The following SH3PXD2B variants were observed in gnomAD, a reference collection of about 807,000 sequenced individuals.
SH3PXD2B encodes the protein SH3 and PX domains 2B, also known as SH3 and PX domain-containing protein 2B.
A neutral mutation model predicts 73.1 loss-of-function variants in SH3PXD2B; 37 were observed. That is an observed-to-expected ratio of 0.51 (90% CI 0.39 to 0.67). The LOEUF is 0.67. Ranked by LOEUF, SH3PXD2B falls within the 30% of genes least tolerant of loss-of-function variation. The pLI, the probability that SH3PXD2B is intolerant of heterozygous loss-of-function variation, is 0.00. For missense variants in SH3PXD2B, 1,053 were observed against 1,197.8 expected (o/e 0.88, Z 1.78); for synonymous variants, 457 against 480.5 (o/e 0.95, Z 0.64).
chr5:172,366,737 A>T (rs1223060560), intron 6 of SH3PXD2B, among the ~76,000 whole-genome samples: 2 of 151,638 alleles, frequency 1.3e-5, no homozygotes, highest in Admixed American at 1.3e-4. Flanking sequence ...GGTGCAAGTG[A>T]TTCTCCTGCC....
At chr5:172,386,699 A>G (rs1758067818) in intron 4 of SH3PXD2B, among the ~76,000 whole-genome samples, 1 of 152,074 alleles carries the variant, frequency 6.6e-6, no homozygotes, top group Admixed American at 6.5e-5. Context: ...GTGGGATCTC[A>G]GCTCACTGCA....
chr5:172,335,386 G>A lies in SH3PXD2B; in HGVS notation c.*2983C>T. The A allele has an allele frequency of 4.9e-6, 6 of 1,222,958 alleles. No homozygotes were observed. Among genetic ancestry groups the A allele is most frequent in the Non-Finnish European group, 6.1e-6 (6 of 982,982 alleles). The allele number at this position is 1,222,958 out of a possible 1,614,324, so 75.8% of individuals were successfully genotyped here. A position where few individuals can be genotyped will look rare whatever the true frequency, so the allele number is the denominator to read the frequency against. The stretch of plus-strand genomic sequence containing the variant: ...CTGGAAGCCCTCCGCACACTTCCCT[G>A]CTAATGGCAGAGAAAAGTCATGGAC... On this transcript the variant is annotated 3_prime_UTR_variant, in exon 13 of 13. Transcript: ENST00000311601.
At chr5:172,383,067 C>G (rs1257035893) in intron 4 of SH3PXD2B, among the ~76,000 whole-genome samples, 1 of 152,156 alleles carries the variant, frequency 6.6e-6, no homozygotes, top group Non-Finnish European at 1.5e-5. Context: ...ATAACATCAT[C>G]TATACTGGAT....
At chr5:172,370,239 T>C (rs951795257) in intron 6 of SH3PXD2B, among the ~76,000 whole-genome samples, 2 of 152,176 alleles carry the variant, frequency 1.3e-5, no homozygotes, top group African/African-American at 4.8e-5. Flanking sequence ...AGGCTTCAGT[T>C]AAGTGAAGAT....
At chr5:172,369,916 G>C (rs920757791) in intron 6 of SH3PXD2B, among the ~76,000 whole-genome samples, 2 of 151,962 alleles carry the variant, frequency 1.3e-5, no homozygotes, top group African/African-American at 4.8e-5. Flanking sequence ...TGTGAGAATG[G>C]TTTCCACCTG....
At chr5:172,359,431 T>C (rs931535724) in intron 7 of SH3PXD2B, among the ~76,000 whole-genome samples, 1 of 144,168 alleles carries the variant, frequency 6.9e-6, no homozygotes, top group Non-Finnish European at 1.5e-5. Flanking sequence ...TCACCTTCAC[T>C]AAGATGTGTG....
intron 2 of SH3PXD2B, among the ~76,000 whole-genome samples, chr5:172,419,554 C>T (rs1658175597): frequency 6.6e-6 from 1 of 152,116 alleles, no homozygotes; most frequent in South Asian, 2.1e-4. Context: ...GGGATGTGGG[C>T]CAGTGGGCAA....
At chr5:172,449,335 G>A (rs760203357) in intron 1 of SH3PXD2B, among the ~76,000 whole-genome samples, 1 of 152,278 alleles carries the variant, frequency 6.6e-6, no homozygotes, top group East Asian at 1.9e-4. Context: ...AGTCAGCTCC[G>A]TGGTGGAATC....
In SH3PXD2B at chr5:172,368,892, AT is replaced by A. The variant is rs1268059508; in HGVS notation, c.427+4897del. ...TTTTAAATATATAATATAAAAAAAA[AT>A]ATATATATATATATTTTTGAGACGG... is the stretch of plus-strand genomic sequence containing the variant. On this transcript the variant is annotated intron_variant, in intron 6 of 12. Transcript: ENST00000311601. 8.7e-3 allele frequency among the ~76,000 whole-genome samples: 1,112 copies of A among 127,404 alleles called. 7 individuals carry two copies. The highest frequency in any genetic ancestry group is 0.022 in the African/African-American group (641 of 29,604). The allele number at this position is 127,404 out of a possible 152,430, so 83.6% of individuals were successfully genotyped here. A position where few individuals can be genotyped will look rare whatever the true frequency, so the allele number is the denominator to read the frequency against.
At chr5:172,379,444 T>C (rs982797539) in intron 5 of SH3PXD2B, among the ~76,000 whole-genome samples, 1 of 152,108 alleles carries the variant, frequency 6.6e-6, no homozygotes, top group Admixed American at 6.5e-5. Flanking sequence ...GGCACCTTGA[T>C]CTTGGATTTC....
Position 172,421,447 on chromosome 5 carries a change from G to T in SH3PXD2B, c.156+969C>A, listed in dbSNP as rs1758960852. 6.6e-6 allele frequency among the ~76,000 whole-genome samples: 1 copy of T among 152,162 alleles called. No individual in the cohort carries two copies. The highest frequency in any genetic ancestry group is 1.5e-5 in the Non-Finnish European group (1 of 68,038). ...TGACTGGACATATACTGTGTGTTAG[G>T]CCTTGAATAAACTATTAAGGACAGA... On this transcript the variant is annotated intron_variant, in intron 2 of 12. Coordinates refer to ENST00000311601, the MANE Select transcript of SH3PXD2B (RefSeq NM_001017995.3). This position sits in a 1 kb window ranked among gnomAD's most constrained non-coding sequence, Gnocchi z 4.0.
intron 1 of SH3PXD2B, among the ~76,000 whole-genome samples, chr5:172,429,877 G>T (rs1319835970): frequency 1.3e-5 from 2 of 152,158 alleles, no homozygotes; most frequent in African/African-American, 4.8e-5. Flanking sequence ...TGGAGCATGG[G>T]CCAGCAGGGA....
At chr5:172,370,059 T>C (rs993636521) in intron 6 of SH3PXD2B, among the ~76,000 whole-genome samples, 32 of 152,182 alleles carry the variant, frequency 2.1e-4, no homozygotes, top group Non-Finnish European at 1.2e-4. Flanking sequence ...CCTGTCTTGT[T>C]CATTCAGCAT....
downstream of SH3PXD2B, among the ~76,000 whole-genome samples, chr5:172,329,540 C>CTTTTTTTGTTTTTTTTTTTTTTTTTTT: frequency 9.4e-6 from 1 of 106,446 alleles, no homozygotes; most frequent in Non-Finnish European, 1.9e-5. Context: ...CTTTGTTATT[C>CTTTTTTTGTTTTTTTTTTTTTTTTTTT]TTTTTTTTTT....
chr5:172,410,692 C>T (rs1425877240), intron 2 of SH3PXD2B, among the ~76,000 whole-genome samples: 3 of 152,148 alleles, frequency 2.0e-5, no homozygotes, highest in Non-Finnish European at 4.4e-5. Context: ...GAGATGTTTG[C>T]TAAGTAACTC....
intron 3 of SH3PXD2B, among the ~76,000 whole-genome samples, chr5:172,402,698 A>G (rs922378991): frequency 6.6e-6 from 1 of 152,178 alleles, no homozygotes; most frequent in Non-Finnish European, 1.5e-5. Context: ...TGGGGAAGGC[A>G]TTTACCTCCC....
intron 3 of SH3PXD2B, among the ~76,000 whole-genome samples, chr5:172,402,713 C>T (rs889639760): frequency 2.0e-5 from 3 of 152,206 alleles, no homozygotes; most frequent in African/African-American, 7.2e-5. Flanking sequence ...CCTCCCGGAG[C>T]CTCAGTCTCC....
intron 4 of SH3PXD2B, 33 bp downstream of exon 4, chr5:172,394,530 A>C (rs1389408617): frequency 6.2e-7 from 1 of 1,609,760 alleles, no homozygotes; most frequent in Admixed American, 1.7e-5. Flanking sequence ...ATACACCTAC[A>C]GGGAAGACTG....
intron 1 of SH3PXD2B, among the ~76,000 whole-genome samples, chr5:172,424,040 T>A (rs1003138727): frequency 2.0e-5 from 3 of 151,878 alleles, no homozygotes; most frequent in Non-Finnish European, 4.4e-5. Flanking sequence ...CTACCCATCC[T>A]CACTGGGGGT....
Sources: allele counts gnomAD v4.1 joint callset (sites outside exome capture counted in the v4.1 genomes callset), GRCh38; gene constraint gnomAD v4.1.1; non-coding constraint Gnocchi (gnomAD v3.1); transcripts MANE v1.5; gene names NCBI Gene and HGNC (gene_info 2026-07-23, HGNC 2026-07-21).